FAT4: variants seen among roughly 807,000 people sequenced by gnomAD.
FAT4 encodes the protein protocadherin Fat 4.
A neutral mutation model predicts 303.9 loss-of-function variants in FAT4; 84 were observed. The observed-to-expected ratio is 0.28, with a 90% confidence interval of 0.23 to 0.33. The LOEUF is 0.33. FAT4 is among the 10% of genes least tolerant of loss of function. The pLI, the probability that FAT4 is intolerant of heterozygous loss-of-function variation, is 1.00. For missense variants in FAT4, 6,005 were observed against 6,146.8 expected, an observed-to-expected ratio of 0.98 and a Z score of 0.77; for synonymous variants, 2,307 against 2,298.8, an observed-to-expected ratio of 1.00 and a Z score of -0.10.
chr4:125,389,427 A>G (rs1285191428), intron 2 of FAT4, among the ~76,000 whole-genome samples: 1 of 152,180 alleles, frequency 6.6e-6, no homozygotes, highest in Non-Finnish European at 1.5e-5. Flanking sequence ...CGCATTTTCT[A>G]GTAAAATATA....
At chr4:125,371,148 CAA>C (rs1197394937) in intron 2 of FAT4, among the ~76,000 whole-genome samples, 8 of 97,996 alleles carry the variant, frequency 8.2e-5, no homozygotes, top group Admixed American at 2.4e-4. Context: ...AACTCCATCT[CAA>C]AAAAAAAAAA....
chr4:125,349,006 C>T (rs1732111595), intron 2 of FAT4, among the ~76,000 whole-genome samples: 1 of 151,450 alleles, frequency 6.6e-6, no homozygotes, highest in Non-Finnish European at 1.5e-5. Context: ...TGAATCTATG[C>T]ATTGGGGATG....
rs746876865 is a variant in FAT4, at chr4:125,450,784, G to C, written c.9774G>C (p.Leu3258Phe). The C allele has an allele frequency of 1.2e-6, 2 of 1,614,048 alleles. No individual in the cohort carries two copies. The highest frequency in any genetic ancestry group is 1.7e-6 in the Non-Finnish European group (2 of 1,179,998). Residue 3258 changes from leucine (L) to phenylalanine (F), a missense_variant, in exon 10 of 18, where the codon TTG (leucine) becomes TTC (phenylalanine). Leu to Phe is a conservative substitution (Grantham distance 22). Transcript: ENST00000394329. ...NTGVITTQGF[L>F]DFETKQSYHL... ...GAGTCATAACCACTCAAGGCTTCTT[G>C]GATTTTGAAACCAAGCAGAGCTACC... is the stretch of plus-strand genomic sequence containing the variant.
chr4:125,425,738 C>T (rs116349310), intron 7 of FAT4, among the ~76,000 whole-genome samples: 1,558 of 152,132 alleles, frequency 0.01, 30 homozygotes, highest in African/African-American at 0.034. Context: ...GATTAATCTG[C>T]GCACAAATTA....
Position 125,446,335 on chromosome 4 carries a change from A to G in FAT4, c.7242A>G (p.Pro2414=), listed in dbSNP as rs1725826415. 1 of 1,613,206 alleles carries G rather than the reference A, an allele frequency of 6.2e-7. No homozygotes were observed. Among genetic ancestry groups the G allele is most frequent in the Admixed American group, 1.7e-5 (1 of 59,948 alleles). The change falls in exon 9 of 18, where the codon CCA becomes CCG. Residue 2414 remains proline (P), a synonymous_variant. Coordinates refer to ENST00000394329, the MANE Select transcript of FAT4 (RefSeq NM_001291303.3). ...IGGNSQFTIN[P]STGQIITSAL... ...GAAACTCTCAGTTCACGATCAACCCATCGACAGGACAAATCATCACCAGCG... is the reference window on the plus strand; with the variant it reads ...GAAACTCTCAGTTCACGATCAACCCGTCGACAGGACAAATCATCACCAGCG...
rs750132558 is a variant in FAT4 at position 125,408,642 on chromosome 4, G to T, written c.5768G>T (p.Gly1923Val). The change falls in exon 5 of 18, where the codon GGA becomes GTA. Residue 1923 changes from glycine (G) to valine (V), a missense_variant. Transcript: ENST00000394329. ...ACTGTTCGAGCAGAAGATGGTGGGGGACAATTTACTACCATCAGAGTTTAT... is the reference window on the plus strand; with the variant it reads ...ACTGTTCGAGCAGAAGATGGTGGGGTACAATTTACTACCATCAGAGTTTAT... ...ILTVRAEDGGGQFTTIRVYFN... is the reference protein window; with the variant it reads ...ILTVRAEDGGVQFTTIRVYFN... The T allele has an allele frequency of 6.2e-7, 1 of 1,610,662 alleles. No homozygotes were observed.
rs1049513322 is a variant in FAT4, at chr4:125,316,942, C to T, written c.531C>T (p.Ile177=). ...TGGACCACCGCTCCTACCGCATCAT[C>T]CGCGGCAATGAGGCGGGGCGCTTCC... ...NGVDHRSYRI[I]RGNEAGRFRL... Residue 177 remains isoleucine (I), a synonymous_variant, in exon 2 of 18, where the codon ATC becomes ATT. Coordinates refer to ENST00000394329, the MANE Select transcript of FAT4 (RefSeq NM_001291303.3). This position sits in a 1 kb window ranked among gnomAD's most constrained non-coding sequence, Gnocchi z 5.7. 6.2e-7 allele frequency: 1 copy of T among 1,613,880 alleles called. No individual in the cohort carries two copies. Among genetic ancestry groups the T allele is most frequent in the Non-Finnish European group, 8.5e-7 (1 of 1,180,046 alleles).
At chr4:125,395,559 T>C (rs1247751224) in intron 2 of FAT4, among the ~76,000 whole-genome samples, 3 of 152,140 alleles carry the variant, frequency 2.0e-5, no homozygotes, top group Non-Finnish European at 4.4e-5. Flanking sequence ...CCTCAGGTGA[T>C]TCCCCTGCCT....
At chr4:125,440,464 A>G (rs2126049197) in intron 8 of FAT4, among the ~76,000 whole-genome samples, 1 of 152,064 alleles carries the variant, frequency 6.6e-6, no homozygotes, top group South Asian at 2.1e-4. Flanking sequence ...CAATGTCTAT[A>G]TAAATATTAT....
At position 125,472,089 on chromosome 4, in the gene FAT4, A is replaced by AGG. The variant is rs150650496; in HGVS notation, c.12213+3272_12213+3273dup. On this transcript the variant is annotated intron_variant, in intron 12 of 17. Coordinates refer to ENST00000394329, the MANE Select transcript of FAT4 (RefSeq NM_001291303.3). The stretch of plus-strand genomic sequence containing the variant: ...CTCTGTCTCAAAAAAAAAAAAAAAA[A>AGG]GGGTAGTTACTGGTAAGATTTATAA... Among the ~76,000 whole-genome samples, 290 of 138,068 alleles carry AGG rather than the reference A, an allele frequency of 2.1e-3. 7 individuals are homozygous for AGG. Among genetic ancestry groups the AGG allele is most frequent in the Non-Finnish European group, 3.2e-3 (208 of 64,478 alleles). The allele number at this position is 138,068 out of a possible 152,430, so 90.6% of individuals were successfully genotyped here.
intron 2 of FAT4, among the ~76,000 whole-genome samples, chr4:125,381,459 A>G (rs948650296): frequency 5.3e-5 from 7 of 132,226 alleles, no homozygotes; most frequent in African/African-American, 1.7e-4. Flanking sequence ...ATATAAAATT[A>G]TGTTTATTCT....
chr4:125,387,436 G>C (rs1289490936), intron 2 of FAT4, among the ~76,000 whole-genome samples: 1 of 152,090 alleles, frequency 6.6e-6, no homozygotes, highest in East Asian at 1.9e-4. Context: ...TATTGTACTT[G>C]TGCCATTATT....
rs1400708823 is a variant in FAT4 at position 125,448,630 on chromosome 4, G to A, written c.7620G>A (p.Val2540=). The A allele has an allele frequency of 1.9e-6, 3 of 1,613,902 alleles. No homozygotes were observed. Among genetic ancestry groups the A allele is most frequent in the Non-Finnish European group, 8.5e-7 (1 of 1,179,888 alleles). The change falls in exon 10 of 18, where the codon GTG becomes GTA. Residue 2540 remains valine, a synonymous_variant. Coordinates refer to ENST00000394329, the MANE Select transcript of FAT4 (RefSeq NM_001291303.3). ...GAGCTTCAGAAGTGACATTTTCTGTGCATGTAAAAGATGGTGGCTCATTTC... is the reference window on the plus strand; with the variant it reads ...GAGCTTCAGAAGTGACATTTTCTGTACATGTAAAAGATGGTGGCTCATTTC... ...LNGASEVTFS[V]HVKDGGSFPK...
intron 2 of FAT4, among the ~76,000 whole-genome samples, chr4:125,338,163 T>G (rs1330424620): frequency 1.3e-5 from 2 of 152,124 alleles, no homozygotes; most frequent in African/African-American, 4.8e-5. Flanking sequence ...GGTGTTTCAG[T>G]AGAGAATTAA....
chr4:125,398,717 G>C (rs1734272122), intron 2 of FAT4, 67 bp from the exon 3 acceptor site: 1 of 1,511,986 alleles, frequency 6.6e-7, no homozygotes, highest in South Asian at 1.3e-5. Flanking sequence ...ATTCCTGGTA[G>C]TCATTTTAAT....
At chr4:125,387,734 A>G (rs1042529272) in intron 2 of FAT4, among the ~76,000 whole-genome samples, 1 of 152,212 alleles carries the variant, frequency 6.6e-6, no homozygotes, top group African/African-American at 2.4e-5. Context: ...TAAAACTCCC[A>G]GTACAAGCCA....
intron 2 of FAT4, among the ~76,000 whole-genome samples, chr4:125,390,906 C>A (rs573252232): frequency 3.3e-5 from 5 of 151,940 alleles, no homozygotes; most frequent in Admixed American, 1.3e-4. Context: ...ATGTGGCCAA[C>A]AAACATGAAA....
At chr4:125,350,053 C>T (rs1295696205) in intron 2 of FAT4, among the ~76,000 whole-genome samples, 3 of 151,624 alleles carry the variant, frequency 2.0e-5, no homozygotes, top group Non-Finnish European at 4.4e-5. Context: ...GGTTATTTGG[C>T]ACTTCATAAA....
At chr4:125,370,438 C>T (rs1420128598) in intron 2 of FAT4, among the ~76,000 whole-genome samples, 4 of 152,136 alleles carry the variant, frequency 2.6e-5, no homozygotes, top group Non-Finnish European at 4.4e-5. Flanking sequence ...CTACACAGTG[C>T]ATGGCATACA....
Sources: allele counts gnomAD v4.1 joint callset (sites outside exome capture counted in the v4.1 genomes callset), GRCh38; gene constraint gnomAD v4.1.1; non-coding constraint Gnocchi (gnomAD v3.1); transcripts MANE v1.5; gene names NCBI Gene and HGNC (gene_info 2026-07-23, HGNC 2026-07-21).